Variants in ZNF521 observed in about 807,000 individuals in gnomAD.
The protein encoded by ZNF521 is LYST-interacting protein 3.
A neutral mutation model predicts 105.5 loss-of-function variants in ZNF521; 14 were observed. The ratio of observed to expected loss-of-function variants is 0.13; its 90% CI spans 0.09 to 0.21. The LOEUF is 0.21. ZNF521 is among the 10% of genes least tolerant of loss of function. The probability of loss-of-function intolerance (pLI) is 1.00; values close to 1 mark genes in which losing one functional copy is unlikely to be tolerated. For synonymous variants in ZNF521, 635 were observed against 606.0 expected (o/e 1.05, Z -0.70); for missense variants, 1,233 against 1,629.7 (o/e 0.76, Z 4.19).
At chr18:25,238,111 C>G (rs1907050878) in intron 3 of ZNF521, among the ~76,000 whole-genome samples, 1 of 152,138 alleles carries the variant, frequency 6.6e-6, no homozygotes, top group African/African-American at 2.4e-5. Context: ...AGCACCTTGG[C>G]TCTACGTATT....
rs1406427536 is a variant in ZNF521, at chr18:25,159,226, C to T, written c.3658+35934G>A. ...ATCATTATCAATTAAGTTGTGCTCA[C>T]TTGGCATGGTGGGGTGTATTCTACA... On this transcript the variant is annotated intron_variant, in intron 5 of 7. Coordinates refer to ENST00000361524, the MANE Select transcript of ZNF521 (RefSeq NM_015461.3). 3.3e-5 allele frequency among the ~76,000 whole-genome samples: 5 copies of T among 152,096 alleles called. No individual in the cohort carries two copies. In the East Asian group the frequency reaches 5.8e-4, roughly 18 times the overall value.
chr18:25,242,903 A>G (rs1053716137), intron 3 of ZNF521, among the ~76,000 whole-genome samples: 2 of 152,224 alleles, frequency 1.3e-5, no homozygotes, highest in African/African-American at 4.8e-5. Context: ...ACGCAATGCC[A>G]TCGTGTTACA....
chr18:25,069,582 G>A (rs1037218414), intron 7 of ZNF521, among the ~76,000 whole-genome samples: 4 of 152,096 alleles, frequency 2.6e-5, no homozygotes, highest in Admixed American at 2.0e-4. Flanking sequence ...GAGGAAATCT[G>A]GGGTAATTGT....
At chr18:25,208,495 T>C (rs1018596703) in intron 4 of ZNF521, among the ~76,000 whole-genome samples, 1 of 152,138 alleles carries the variant, frequency 6.6e-6, no homozygotes, top group African/African-American at 2.4e-5. Flanking sequence ...GCTTAGGGGG[T>C]TTCCTGCCAG....
Position 25,108,113 on chromosome 18 carries a change from C to G in ZNF521, c.3659-16032G>C, listed in dbSNP as rs564227123. Among the ~76,000 whole-genome samples the G allele has an allele frequency of 9.8e-5, 15 of 152,310 alleles. No individual in the cohort carries two copies. In the East Asian group the frequency reaches 2.1e-3, roughly 22 times the overall value. On this transcript the variant is annotated intron_variant, in intron 5 of 7. Transcript: ENST00000361524. The stretch of plus-strand genomic sequence containing the variant: ...TTTTCAAGTCAAAGTCAGACTTTTT[C>G]TGACATTAAGTGTAAGTTTGTTTTG...
intron 5 of ZNF521, among the ~76,000 whole-genome samples, chr18:25,107,436 C>A (rs2034096168): frequency 6.6e-6 from 1 of 152,118 alleles, no homozygotes; most frequent in South Asian, 2.1e-4. Flanking sequence ...AGTTTTGATG[C>A]ATAATTTTTA....
At chr18:25,150,272 A>C (rs1260368850) in intron 5 of ZNF521, among the ~76,000 whole-genome samples, 1 of 152,092 alleles carries the variant, frequency 6.6e-6, no homozygotes, top group Non-Finnish European at 1.5e-5. Context: ...GACTTTGGGG[A>C]CTCAGGGGGT....
intron 1 of ZNF521, 120 bp downstream of exon 1, chr18:25,351,885 C>CAGCAGCGGCGGCAGCGGCGGT: frequency 3.6e-6 from 1 of 274,584 alleles, no homozygotes; most frequent in South Asian, 3.2e-5. Flanking sequence ...GCAGCGGCGG[C>CAGCAGCGGCGGCAGCGGCGGT]GGCAGCAGCG....
intron 5 of ZNF521, among the ~76,000 whole-genome samples, chr18:25,161,758 T>C (rs1337305976): frequency 1.3e-5 from 2 of 152,184 alleles, no homozygotes. Flanking sequence ...CTGACTAATG[T>C]ACAGAGAGTA....
chr18:25,203,664 G>A (rs1456990295), intron 4 of ZNF521, among the ~76,000 whole-genome samples: 9 of 152,096 alleles, frequency 5.9e-5, no homozygotes, highest in Non-Finnish European at 1.3e-4. Context: ...GAAATAGAAA[G>A]ACAATTCAGA....
chr18:25,342,409 T>G (rs1467630959), intron 2 of ZNF521, among the ~76,000 whole-genome samples: 1 of 88,530 alleles, frequency 1.1e-5, no homozygotes, highest in South Asian at 3.5e-4. Context: ...CTTTCCTTTG[T>G]TTTTTTTTTG....
chr18:25,210,294 A>G (rs2036156132), intron 4 of ZNF521, among the ~76,000 whole-genome samples: 1 of 152,194 alleles, frequency 6.6e-6, no homozygotes, highest in Non-Finnish European at 1.5e-5. Context: ...GATCACATAG[A>G]TGACCCTGTC....
chr18:25,260,721 T>A (rs75150329), intron 3 of ZNF521, among the ~76,000 whole-genome samples: 2 of 152,172 alleles, frequency 1.3e-5, no homozygotes, highest in South Asian at 2.1e-4. Flanking sequence ...TCTTACGTAT[T>A]CTTATTGAAC....
intron 7 of ZNF521, among the ~76,000 whole-genome samples, chr18:25,087,838 C>T (rs1191070251): frequency 6.6e-6 from 1 of 152,118 alleles, no homozygotes; most frequent in Non-Finnish European, 1.5e-5. Flanking sequence ...TCCACTGACA[C>T]GTTATGACAA....
At chr18:25,105,905 A>T (rs1338971162) in intron 5 of ZNF521, among the ~76,000 whole-genome samples, 2 of 152,164 alleles carry the variant, frequency 1.3e-5, no homozygotes, top group African/African-American at 4.8e-5. Flanking sequence ...AACAGCAATA[A>T]AGAGAAAATT....
chr18:25,322,336 A>G, intron 2 of ZNF521, 149 bp from the exon 3 acceptor site: 1 of 820,982 alleles, frequency 1.2e-6, no homozygotes. Flanking sequence ...CAGGAGAATC[A>G]AAAGTGAGCC....
rs148861480 is a variant in ZNF521, at chr18:25,329,482, A to G, written c.41-7295T>C. 1.7e-3 allele frequency among the ~76,000 whole-genome samples: 264 copies of G among 152,362 alleles called. 1 individual carries two copies. Among genetic ancestry groups the G allele is most frequent in the African/African-American group, 5.8e-3 (240 of 41,576 alleles). The stretch of plus-strand genomic sequence containing the variant: ...AGTTGGGCTACATTTTGAAGGCCAC[A>G]TAACACTGGGAACAAGAACACAGCT... On this transcript the variant is annotated intron_variant, in intron 2 of 7. Transcript: ENST00000361524.
At position 25,226,810 on chromosome 18, in the gene ZNF521, T is replaced by C. The variant is rs371061708; in HGVS notation, c.1108A>G (p.Met370Val). ...DSNLSVDSST[M>V]VEAAPPIPKS... ...GGGATTGGCGGGGCAGCTTCCACCA[T>C]GGTTGAGCTGTCCACTGAGAGGTTG... is the stretch of plus-strand genomic sequence containing the variant. The change falls in exon 4 of 8, where the codon ATG becomes GTG. Residue 370 changes from methionine (M) to valine (V), a missense_variant. Around this residue, in one of 6 missense-constraint regions of ZNF521, gnomAD observed 380 missense variants for 478.0 expected, o/e 0.80. Transcript: ENST00000361524. The surrounding 1 kb of genome is among the most constrained non-coding windows in gnomAD (Gnocchi z 4.1). 2 of 1,613,940 alleles carry C rather than the reference T, an allele frequency of 1.2e-6. No homozygotes were observed. Among genetic ancestry groups the C allele is most frequent in the Non-Finnish European group, 1.7e-6 (2 of 1,179,960 alleles).
At chr18:25,253,740 T>C (rs1238819309) in intron 3 of ZNF521, among the ~76,000 whole-genome samples, 2 of 152,126 alleles carry the variant, frequency 1.3e-5, no homozygotes, top group Admixed American at 6.6e-5. Context: ...TAAGAAATGA[T>C]CAGCATGTAA....
Sources: allele counts gnomAD v4.1 joint callset (sites outside exome capture counted in the v4.1 genomes callset), GRCh38; gene constraint gnomAD v4.1.1; regional missense constraint gnomAD v4.1.1; non-coding constraint Gnocchi (gnomAD v3.1); transcripts MANE v1.5; gene names NCBI Gene and HGNC (gene_info 2026-07-23, HGNC 2026-07-21).